DAAM1: variants seen among roughly 807,000 people sequenced by gnomAD.
DAAM1 encodes disheveled-associated activator of morphogenesis 1.
DAAM1 carries 52 observed loss-of-function variants against 130.0 expected under a neutral mutation model. That is an observed-to-expected ratio of 0.40 (90% CI 0.32 to 0.50). The LOEUF is 0.50. Ranked by LOEUF, DAAM1 falls within the 20% of genes least tolerant of loss-of-function variation. DAAM1 has a pLI of 0.61. For synonymous variants in DAAM1, 452 were observed against 444.5 expected, an observed-to-expected ratio of 1.02 and a Z score of -0.21; for missense variants, 1,134 against 1,303.8, an observed-to-expected ratio of 0.87 and a Z score of 2.01.
intron 17 of DAAM1, among the ~76,000 whole-genome samples, chr14:59,349,147 C>T (rs1399001846): frequency 1.3e-5 from 2 of 152,232 alleles, no homozygotes; most frequent in Non-Finnish European, 2.9e-5. Flanking sequence ...CTCTGCCCCT[C>T]CCAGGTGACC....
At chr14:59,302,685 ACT>A (rs1884218990) in intron 3 of DAAM1, among the ~76,000 whole-genome samples, 1 of 151,950 alleles carries the variant, frequency 6.6e-6, no homozygotes, top group Non-Finnish European at 1.5e-5. Flanking sequence ...ATGGAGTCTC[ACT>A]CTGTCACCCA....
At position 59,227,764 on chromosome 14, in the gene DAAM1, A is replaced by G. The variant is rs575460538; in HGVS notation, c.-37-35677A>G. ...GAGGGTAGGGATAGGTTGTGTTTCC[A>G]TCAGTGCTGGGCACACAGAGGACAC... On this transcript the variant is annotated intron_variant, in intron 1 of 24. Transcript: ENST00000360909. Among the ~76,000 whole-genome samples, 9 of 152,314 alleles carry G rather than the reference A, an allele frequency of 5.9e-5. No homozygotes were observed. In the East Asian group the frequency reaches 1.5e-3, roughly 26 times the overall value.
chr14:59,303,859 G>A (rs1386374660), intron 3 of DAAM1, among the ~76,000 whole-genome samples: 4 of 152,008 alleles, frequency 2.6e-5, no homozygotes, highest in Non-Finnish European at 5.9e-5. Flanking sequence ...AAAATTGCAC[G>A]ACTGTACTTC....
At chr14:59,281,671 A>T (rs978941882) in intron 2 of DAAM1, among the ~76,000 whole-genome samples, 1 of 152,152 alleles carries the variant, frequency 6.6e-6, no homozygotes, top group Non-Finnish European at 1.5e-5. Context: ...TTGTCTTCCT[A>T]ACTAGATTAT....
Position 59,370,558 on chromosome 14 carries a change from C to G in DAAM1, c.*1699C>G, listed in dbSNP as rs1336006507. ...TATGTGAAAGCTGTGAAATAGTGCT[C>G]TAAGAGTTGTCAAGAGCTGTGGTTT... On this transcript the variant is annotated 3_prime_UTR_variant, in exon 25 of 25. Transcript: ENST00000360909. 1 of 152,090 alleles carries G rather than the reference C, an allele frequency of 6.6e-6. No homozygotes were observed. The highest frequency in any genetic ancestry group is 2.4e-5 in the African/African-American group (1 of 41,414). 9.4% of individuals were successfully genotyped at this position (152,090 alleles called of 1,614,324 possible).
chr14:59,319,461 C>T (rs570559361), intron 4 of DAAM1, among the ~76,000 whole-genome samples: 2 of 152,228 alleles, frequency 1.3e-5, no homozygotes, highest in East Asian at 3.9e-4. Flanking sequence ...CATTGAGACC[C>T]ATGGATATGA....
rs138713289 is a variant in DAAM1 at position 59,368,674 on chromosome 14, C to T, written c.3022C>T (p.Arg1008Cys). 1.4e-4 allele frequency: 220 copies of T among 1,613,060 alleles called. No individual in the cohort carries two copies. The highest frequency in any genetic ancestry group is 8.5e-4 in the Admixed American group (51 of 59,930). ...AQLKEQRERERKMRKAKENSE... is the reference protein window; with the variant it reads ...AQLKEQRERECKMRKAKENSE... ...GCTCAAAGAACAACGTGAAAGGGAA[C>T]GTAAAATGAGAAAAGCTAAAGAGAA... The change falls in exon 25 of 25, where the codon CGT (arginine) becomes TGT (cysteine). Residue 1008 changes from arginine (R) to cysteine (C), a missense_variant. Coordinates refer to ENST00000360909, the MANE Select transcript of DAAM1 (RefSeq NM_001270520.2).
intron 20 of DAAM1, among the ~76,000 whole-genome samples, chr14:59,357,761 G>C (rs1053864082): frequency 2.6e-5 from 4 of 151,658 alleles, no homozygotes; most frequent in Admixed American, 6.6e-5. Context: ...CTGGGTGACA[G>C]AGCGAGACTC....
Position 59,326,536 on chromosome 14 carries a change from T to A in DAAM1, c.1201T>A (p.Tyr401Asn), listed in dbSNP as rs768988634. 1 of 1,613,352 alleles carries A rather than the reference T, an allele frequency of 6.2e-7. No individual in the cohort carries two copies. The highest frequency in any genetic ancestry group is 1.7e-5 in the Admixed American group (1 of 59,916). ...CAAGAGGAGTGGCAACACTGTTCAG[T>A]ACTGGCTACTACTAGATAGAATTAT... ...PYKRSGNTVQ[Y>N]WLLLDRIIQQ... The change falls in exon 11 of 25, where the codon TAC (tyrosine) becomes AAC (asparagine). Residue 401 changes from tyrosine (Y) to asparagine (N), a missense_variant. Tyr to Asn is a moderately radical substitution (Grantham distance 143). Coordinates refer to ENST00000360909, the MANE Select transcript of DAAM1 (RefSeq NM_001270520.2).
At chr14:59,266,865 G>T (rs1882470322) in intron 2 of DAAM1, among the ~76,000 whole-genome samples, 1 of 152,162 alleles carries the variant, frequency 6.6e-6, no homozygotes, top group Non-Finnish European at 1.5e-5. Flanking sequence ...CAGCTCTGTA[G>T]CCTAGGAAAT....
At chr14:59,281,839 A>C (rs1228498713) in intron 2 of DAAM1, among the ~76,000 whole-genome samples, 1 of 152,130 alleles carries the variant, frequency 6.6e-6, no homozygotes, top group Non-Finnish European at 1.5e-5. Context: ...CCATATTATG[A>C]AATCAAAATG....
chr14:59,301,102 T>C (rs1594808943), intron 3 of DAAM1, among the ~76,000 whole-genome samples: 1 of 151,098 alleles, frequency 6.6e-6, no homozygotes, highest in African/African-American at 2.4e-5. Context: ...GAAACTAATA[T>C]CTCATTGCTC....
chr14:59,277,488 CT>C (rs2139534647), intron 2 of DAAM1, among the ~76,000 whole-genome samples: 1 of 151,040 alleles, frequency 6.6e-6, no homozygotes, highest in East Asian at 1.9e-4. Context: ...AAAAAAAAAT[CT>C]TTTCTCCAAA....
intron 4 of DAAM1, among the ~76,000 whole-genome samples, chr14:59,316,149 C>CA (rs1884783653): frequency 6.6e-6 from 1 of 152,148 alleles, no homozygotes; most frequent in Admixed American, 6.6e-5. Context: ...GTCTTTGTCT[C>CA]AGTGGGCACA....
chr14:59,192,939 G>C (rs1887774927), intron 1 of DAAM1, among the ~76,000 whole-genome samples: 3 of 152,206 alleles, frequency 2.0e-5, no homozygotes, highest in Admixed American at 2.0e-4. Context: ...TGTAGTCCCA[G>C]TTACTCAGGA....
chr14:59,234,152 TTTCTAA>T (rs2139449630), intron 1 of DAAM1, among the ~76,000 whole-genome samples: 1 of 152,330 alleles, frequency 6.6e-6, no homozygotes, highest in Admixed American at 6.5e-5. Context: ...AAGTAGTTTT[TTTCTAA>T]TTCTGTGAAG....
At chr14:59,256,964 C>A (rs187392750) in intron 1 of DAAM1, among the ~76,000 whole-genome samples, 1 of 152,134 alleles carries the variant, frequency 6.6e-6, no homozygotes, top group African/African-American at 2.4e-5. Context: ...ATTTTATCAG[C>A]GAGTCTCTTT....
chr14:59,362,019 CT>C (rs35080349), intron 22 of DAAM1, among the ~76,000 whole-genome samples: 1,272 of 121,640 alleles, frequency 0.01, 13 homozygotes, highest in African/African-American at 0.031. Context: ...GGTTTTTTTC[CT>C]TTTTTTTTTT....
At chr14:59,352,928 C>G (rs1363587014) in intron 18 of DAAM1, among the ~76,000 whole-genome samples, 1 of 150,426 alleles carries the variant, frequency 6.6e-6, no homozygotes, top group Non-Finnish European at 1.5e-5. Context: ...CCTCACCAGT[C>G]TGATTTCTTG....
Sources: gnomAD v4.1 joint callset for allele counts (sites outside exome capture counted in the v4.1 genomes callset) on GRCh38, gnomAD v4.1.1 for gene constraint, MANE v1.5 for transcripts, NCBI Gene and HGNC (gene_info 2026-07-23, HGNC 2026-07-21) for gene names.